The following PTPRM variants were observed in gnomAD, a reference collection of about 807,000 sequenced individuals.
PTPRM encodes the protein protein tyrosine phosphatase receptor type M, also known as receptor-type tyrosine-protein phosphatase mu.
A neutral mutation model predicts 186.7 loss-of-function variants in PTPRM; 47 were observed. That is an observed-to-expected ratio of 0.25 (90% CI 0.20 to 0.32). The LOEUF (loss-of-function observed/expected upper bound fraction) is 0.32, where lower values mean the gene tolerates loss of function less well. Ranked by LOEUF, PTPRM falls within the 10% of genes least tolerant of loss-of-function variation. The probability of loss-of-function intolerance (pLI) is 1.00; values close to 1 mark genes in which losing one functional copy is unlikely to be tolerated. For missense variants in PTPRM, 1,494 were observed against 1,865.0 expected, an observed-to-expected ratio of 0.80 and a Z score of 3.66; for synonymous variants, 668 against 674.9, an observed-to-expected ratio of 0.99 and a Z score of 0.16.
chr18:7,932,992 A>C (rs1046741647), intron 5 of PTPRM, among the ~76,000 whole-genome samples: 3 of 152,210 alleles, frequency 2.0e-5, no homozygotes, highest in African/African-American at 7.2e-5. Context: ...ATTGTGCACC[A>C]TTCTGAGGAG....
chr18:7,947,331 G>A (rs2052605172), intron 5 of PTPRM, among the ~76,000 whole-genome samples: 1 of 152,018 alleles, frequency 6.6e-6, no homozygotes. Flanking sequence ...GCTCTATGAA[G>A]GTTAACCACT....
chr18:8,002,776 A>G (rs778640748), intron 7 of PTPRM, among the ~76,000 whole-genome samples: 9 of 152,150 alleles, frequency 5.9e-5, no homozygotes, highest in Non-Finnish European at 1.2e-4. Flanking sequence ...ATCATCCCCA[A>G]CAGAGGTGGA....
chr18:7,872,676 C>T (rs1228778836), intron 2 of PTPRM, among the ~76,000 whole-genome samples: 3 of 152,180 alleles, frequency 2.0e-5, no homozygotes, highest in Non-Finnish European at 2.9e-5. Context: ...CGTGGCATCT[C>T]TTGACAGACC....
chr18:8,394,596 C>A lies in PTPRM; in HGVS notation c.4329C>A (p.Asn1443Lys). Reference sequence around the variant, plus strand: ...AGACACTGAGGAACAACAAGCCCAACATGGTCGACCTCCTGGTAGGACACC... The same window carrying A: ...AGACACTGAGGAACAACAAGCCCAAAATGGTCGACCTCCTGGTAGGACACC... ...AVKTLRNNKPNMVDLLDQYKF... is the reference protein window; with the variant it reads ...AVKTLRNNKPKMVDLLDQYKF... The change falls in exon 32 of 33, where the codon AAC becomes AAA. Residue 1443 changes from asparagine to lysine, a missense_variant. Around this residue, in one of 3 missense-constraint regions of PTPRM, gnomAD observed 1,107 missense variants for 1,350.2 expected, o/e 0.82. Coordinates refer to ENST00000580170, the MANE Select transcript of PTPRM (RefSeq NM_001105244.2). The A allele has an allele frequency of 6.2e-7, 1 of 1,611,148 alleles. No homozygotes were observed. Among genetic ancestry groups the A allele is most frequent in the Non-Finnish European group, 8.5e-7 (1 of 1,178,528 alleles).
At chr18:8,246,214 A>T (rs1277259220) in intron 15 of PTPRM, among the ~76,000 whole-genome samples, 1 of 152,220 alleles carries the variant, frequency 6.6e-6, no homozygotes. Flanking sequence ...CAAGGCTGCC[A>T]GCACCACACC....
chr18:7,581,156 A>G (rs940043834), intron 1 of PTPRM, among the ~76,000 whole-genome samples: 1 of 152,108 alleles, frequency 6.6e-6, no homozygotes, highest in Non-Finnish European at 1.5e-5. Flanking sequence ...GGCCTGCATC[A>G]AACAGGGAAT....
intron 14 of PTPRM, among the ~76,000 whole-genome samples, chr18:8,157,125 G>A (rs984982319): frequency 2.6e-5 from 4 of 152,128 alleles, no homozygotes; most frequent in East Asian, 1.9e-4. Flanking sequence ...CCTTGGTTCC[G>A]TGGCTTACTG....
chr18:8,360,606 G>A (rs982412469), intron 23 of PTPRM, among the ~76,000 whole-genome samples: 2 of 152,166 alleles, frequency 1.3e-5, no homozygotes, highest in Non-Finnish European at 2.9e-5. Flanking sequence ...CCCTGGTATT[G>A]CACTGGATTA....
chr18:7,965,507 T>A (rs1360126369), intron 7 of PTPRM, among the ~76,000 whole-genome samples: 1 of 152,036 alleles, frequency 6.6e-6, no homozygotes, highest in Non-Finnish European at 1.5e-5. Context: ...ATTGGATGGC[T>A]GGGGTCTTGG....
intron 1 of PTPRM, among the ~76,000 whole-genome samples, chr18:7,711,765 G>A (rs977247606): frequency 4.6e-5 from 7 of 152,172 alleles, no homozygotes; most frequent in African/African-American, 7.2e-5. Flanking sequence ...AGCCACTGTA[G>A]CCAGATTGCC....
In PTPRM at chr18:8,100,396, G is replaced by A. The variant is rs375782450; in HGVS notation, c.1856+11545G>A. On this transcript the variant is annotated intron_variant, in intron 11 of 32. Transcript: ENST00000580170. ...CCTCAAGTGATCTACCCACCTTGGC[G>A]TCCCAAAGTGCTGAGATTACAGGTG... Among the ~76,000 whole-genome samples, 472 of 152,120 alleles carry A rather than the reference G, an allele frequency of 3.1e-3. 1 individual carries two copies. The highest frequency in any genetic ancestry group is 4.5e-3 in the Admixed American group (69 of 15,284).
At chr18:7,901,261 A>T (rs777263370) in intron 3 of PTPRM, among the ~76,000 whole-genome samples, 1 of 152,174 alleles carries the variant, frequency 6.6e-6, no homozygotes, top group African/African-American at 2.4e-5. Context: ...ACATAATGGA[A>T]AATTTGCCAG....
intron 23 of PTPRM, among the ~76,000 whole-genome samples, chr18:8,367,385 C>CT (rs2095637258): frequency 1.3e-5 from 2 of 152,260 alleles, no homozygotes; most frequent in Non-Finnish European, 2.9e-5. Context: ...CCCGCGCCTC[C>CT]TCCCTCGCAA....
chr18:8,044,652 G>T (rs1227386879), intron 7 of PTPRM, among the ~76,000 whole-genome samples: 1 of 151,242 alleles, frequency 6.6e-6, no homozygotes, highest in South Asian at 2.1e-4. Context: ...AGCTAATCGG[G>T]AGGCTGAGGC....
intron 23 of PTPRM, chr18:8,365,931 C>T (rs1190684146): frequency 6.6e-6 from 1 of 152,260 alleles, no homozygotes; most frequent in Non-Finnish European, 1.5e-5. Flanking sequence ...GTTTTCATCA[C>T]ATTGTATCAA....
chr18:8,240,804 GAGAGAGAGAGAGAGAGAGAGAGAA>G (rs1308406533), intron 14 of PTPRM, among the ~76,000 whole-genome samples: 53 of 46,970 alleles, frequency 1.1e-3, no homozygotes, highest in Admixed American at 1.7e-3. Flanking sequence ...GAGAGAGAGA[GAGAGAGAGAGAGAGAGAGAGAGAA>G]AGAAAGAAAG....
intron 22 of PTPRM, 93 bp downstream of exon 22, chr18:8,319,307 G>A: frequency 5.6e-6 from 5 of 900,432 alleles, no homozygotes; most frequent in Non-Finnish European, 8.7e-6. Context: ...GGAAGATATT[G>A]CACATTTATT....
chr18:8,254,957 G>A (rs1056150948), intron 19 of PTPRM, among the ~76,000 whole-genome samples: 3 of 152,208 alleles, frequency 2.0e-5, no homozygotes, highest in African/African-American at 7.2e-5. Flanking sequence ...GTGCTCCAGG[G>A]TTTAATTGAA....
intron 7 of PTPRM, among the ~76,000 whole-genome samples, chr18:8,006,626 G>A (rs529969437): frequency 1.1e-4 from 17 of 152,250 alleles, no homozygotes; most frequent in African/African-American, 3.9e-4. Context: ...GAACTGGGAG[G>A]ATCTTATATT....
Sources: allele counts gnomAD v4.1 joint callset (sites outside exome capture counted in the v4.1 genomes callset), GRCh38; gene constraint gnomAD v4.1.1; regional missense constraint gnomAD v4.1.1; transcripts MANE v1.5; gene names NCBI Gene and HGNC (gene_info 2026-07-23, HGNC 2026-07-21).